The following GLI2 variants were observed in gnomAD, a reference collection of about 807,000 sequenced individuals.
GLI2 encodes GLI family zinc finger 2, also known as transcription activator GLI2.
A neutral mutation model predicts 78.9 loss-of-function variants in GLI2; 22 were observed. The ratio of observed to expected loss-of-function variants is 0.28; its 90% CI spans 0.20 to 0.40. GLI2 has a LOEUF of 0.40. Among genes scored for constraint, GLI2 ranks in the 10% least tolerant of loss-of-function variants. The pLI is 1.00. For missense variants in GLI2, 2,097 were observed against 2,213.2 expected (o/e 0.95, Z 1.05); for synonymous variants, 974 against 963.7 (o/e 1.01, Z -0.20).
chr2:120,922,339 G>GC (rs1371953902), intron 2 of GLI2, among the ~76,000 whole-genome samples: 7 of 152,132 alleles, frequency 4.6e-5, no homozygotes, highest in African/African-American at 7.2e-5. Flanking sequence ...CAACTTGGCC[G>GC]ACTAGCTGGC....
intron 3 of GLI2, among the ~76,000 whole-genome samples, chr2:120,928,183 G>C (rs1679782526): frequency 6.6e-6 from 1 of 151,814 alleles, no homozygotes; most frequent in South Asian, 2.1e-4. Flanking sequence ...GCCTCCAGGA[G>C]AGCTCTTACA....
intron 5 of GLI2, among the ~76,000 whole-genome samples, chr2:120,957,319 C>T (rs1480959434): frequency 6.6e-6 from 1 of 152,238 alleles, no homozygotes; most frequent in Non-Finnish European, 1.5e-5. Context: ...CCTGTCAGCT[C>T]TGTAGGACAT....
chr2:120,819,094 G>C (rs1196781776), intron 2 of GLI2, among the ~76,000 whole-genome samples: 1 of 152,154 alleles, frequency 6.6e-6, no homozygotes, highest in Non-Finnish European at 1.5e-5. Context: ...GGGGCTCAGG[G>C]GCTTCTTGGC....
At chr2:120,900,500 A>G (rs994302098) in intron 2 of GLI2, among the ~76,000 whole-genome samples, 2 of 152,182 alleles carry the variant, frequency 1.3e-5, no homozygotes, top group African/African-American at 2.4e-5. Flanking sequence ...TGAAGCTCTC[A>G]TTACCTAGCT....
At chr2:120,801,701 G>T (rs1226877212) in intron 2 of GLI2, among the ~76,000 whole-genome samples, 3 of 152,214 alleles carry the variant, frequency 2.0e-5, no homozygotes, top group African/African-American at 7.2e-5. Flanking sequence ...CATGAAGGGG[G>T]TGGGAGGCCC....
In GLI2 at chr2:120,968,826, A is replaced by T; in HGVS notation, c.756A>T (p.Ser252=). The part of the protein sequence containing the change: ...SLDLQRMIRT[S]PNSLVAYINN... Reference sequence around the variant, plus strand: ...ACCTGCAGCGGATGATCCGCACCTCACCCAACTCGCTAGTGGCCTACATCA... The same window carrying T: ...ACCTGCAGCGGATGATCCGCACCTCTCCCAACTCGCTAGTGGCCTACATCA... The change falls in exon 6 of 14, where the codon TCA becomes TCT. Residue 252 remains serine, a synonymous_variant. Coordinates refer to ENST00000361492, the MANE Select transcript of GLI2 (RefSeq NM_001374353.1). The T allele has an allele frequency of 6.2e-7, 1 of 1,613,586 alleles. No homozygotes were observed. The highest frequency in any genetic ancestry group is 8.5e-7 in the Non-Finnish European group (1 of 1,179,928).
intron 3 of GLI2, among the ~76,000 whole-genome samples, chr2:120,934,697 G>A (rs1002094153): frequency 3.3e-5 from 5 of 152,114 alleles, no homozygotes; most frequent in African/African-American, 1.2e-4. Flanking sequence ...CAGGGCCTCC[G>A]GAGACAGCAT....
At chr2:120,908,792 G>A (rs1428647862) in intron 2 of GLI2, among the ~76,000 whole-genome samples, 2 of 152,260 alleles carry the variant, frequency 1.3e-5, no homozygotes, top group Non-Finnish European at 2.9e-5. Context: ...CAGATTCAGG[G>A]TGGGTGGTTT....
chr2:120,829,308 T>C (rs1686243585), intron 2 of GLI2, among the ~76,000 whole-genome samples: 1 of 152,200 alleles, frequency 6.6e-6, no homozygotes, highest in Non-Finnish European at 1.5e-5. Flanking sequence ...TCTTTCCACA[T>C]CATTTACAGA....
Position 120,735,888 on chromosome 2 carries a change from C to T in GLI2, c.-428C>T, listed in dbSNP as rs1310424711. Among the ~76,000 whole-genome samples, 3 of 151,898 alleles carry T rather than the reference C, an allele frequency of 2.0e-5. No homozygotes were observed. Among genetic ancestry groups the T allele is most frequent in the Non-Finnish European group, 4.4e-5 (3 of 67,954 alleles). ...GCGGCGCTGATGGATTGCAGAAGTGCCGGCGCTTGCCAGCCGAGGCAGCAC... is the reference window on the plus strand; with the variant it reads ...GCGGCGCTGATGGATTGCAGAAGTGTCGGCGCTTGCCAGCCGAGGCAGCAC... On this transcript the variant is annotated 5_prime_UTR_variant, in exon 1 of 14. Coordinates refer to ENST00000361492, the MANE Select transcript of GLI2 (RefSeq NM_001374353.1).
At chr2:120,955,156 T>C in intron 4 of GLI2, 89 bp from the exon 5 acceptor site, 1 of 192,608 alleles carries the variant, frequency 5.2e-6, no homozygotes, top group South Asian at 6.3e-5. Context: ...TCTCTGCCTT[T>C]TTTTTTTTTT....
chr2:120,920,654 G>A (rs905278207), intron 2 of GLI2, among the ~76,000 whole-genome samples: 2 of 152,206 alleles, frequency 1.3e-5, no homozygotes, highest in East Asian at 1.9e-4. Flanking sequence ...CCGTCACTCC[G>A]CCGCCACCCT....
chr2:120,906,210 A>AG (rs1393971746), intron 2 of GLI2, among the ~76,000 whole-genome samples: 2 of 152,158 alleles, frequency 1.3e-5, no homozygotes, highest in East Asian at 3.9e-4. Context: ...CTCTGACTTG[A>AG]GGGGACAGTG....
chr2:120,778,449 G>A (rs535111208), intron 1 of GLI2, among the ~76,000 whole-genome samples: 7 of 152,336 alleles, frequency 4.6e-5, no homozygotes, highest in East Asian at 1.9e-4. Context: ...TAGGGGGCAC[G>A]GTGGGTTACC....
chr2:120,780,196 C>CCA (rs1369010856), intron 1 of GLI2, among the ~76,000 whole-genome samples: 1 of 152,086 alleles, frequency 6.6e-6, no homozygotes, highest in South Asian at 2.1e-4. Context: ...GGCGGGCGTG[C>CCA]CACACACACT....
intron 2 of GLI2, among the ~76,000 whole-genome samples, chr2:120,819,881 A>G (rs1298283935): frequency 6.6e-6 from 1 of 152,094 alleles, no homozygotes; most frequent in East Asian, 1.9e-4. Context: ...CTGCTGGGGG[A>G]AGAGAGGCAG....
chr2:120,831,174 G>T (rs963712165), intron 2 of GLI2, among the ~76,000 whole-genome samples: 1 of 151,786 alleles, frequency 6.6e-6, no homozygotes, highest in Admixed American at 6.6e-5. Context: ...GTCTGTCTCT[G>T]CACACCAAGG....
intron 2 of GLI2, among the ~76,000 whole-genome samples, chr2:120,884,416 TTAC>T (rs1677297801): frequency 6.6e-6 from 1 of 152,096 alleles, no homozygotes; most frequent in South Asian, 2.1e-4. Context: ...AATGAGGACA[TTAC>T]TTAGTGAGTC....
intron 2 of GLI2, among the ~76,000 whole-genome samples, chr2:120,918,671 C>T (rs908293204): frequency 2.0e-5 from 3 of 152,102 alleles, no homozygotes; most frequent in Admixed American, 2.0e-4. Context: ...AAACTCCTGA[C>T]CTCAGGTGAT....
Sources: allele counts gnomAD v4.1 joint callset (sites outside exome capture counted in the v4.1 genomes callset), GRCh38; gene constraint gnomAD v4.1.1; transcripts MANE v1.5; gene names NCBI Gene and HGNC (gene_info 2026-07-23, HGNC 2026-07-21).